The following GTF2I variants were observed in gnomAD, a reference collection of about 807,000 sequenced individuals.
GTF2I encodes general transcription factor IIi, also known as general transcription factor II-I.
A neutral mutation model predicts 67.6 loss-of-function variants in GTF2I; 12 were observed. The ratio of observed to expected loss-of-function variants is 0.18; its 90% CI spans 0.11 to 0.29. GTF2I has a LOEUF of 0.29. GTF2I is among the 10% of genes least tolerant of loss of function. The probability of loss-of-function intolerance (pLI) is 1.00; values close to 1 mark genes in which losing one functional copy is unlikely to be tolerated. For synonymous variants in GTF2I, 149 were observed against 197.0 expected (o/e 0.76, Z 2.04); for missense variants, 271 against 580.1 (o/e 0.47, Z 5.47).
chr7:74,663,583 G>A (rs1376442941), intron 1 of GTF2I, among the ~76,000 whole-genome samples: 2 of 152,284 alleles, frequency 1.3e-5, no homozygotes, highest in South Asian at 4.1e-4. Context: ...GAGCCACTGC[G>A]CCTGGTTCGT....
chr7:74,664,977 T>C (rs944553967), intron 1 of GTF2I, among the ~76,000 whole-genome samples: 6 of 151,936 alleles, frequency 3.9e-5, no homozygotes, highest in Non-Finnish European at 7.4e-5. Flanking sequence ...GTTTTGCTCT[T>C]GTTGCCCAGG....
chr7:74,662,075 C>G (rs1194335353), intron 1 of GTF2I, among the ~76,000 whole-genome samples: 1 of 151,838 alleles, frequency 6.6e-6, no homozygotes, highest in Non-Finnish European at 1.5e-5. Context: ...GCCACATGCC[C>G]CTCCAGCGAT....
intron 1 of GTF2I, among the ~76,000 whole-genome samples, chr7:74,664,901 G>A (rs945276142): frequency 7.2e-5 from 11 of 152,030 alleles, no homozygotes; most frequent in African/African-American, 2.4e-4. Flanking sequence ...CTGCCTGTGC[G>A]ACCTTGGGCA....
At chr7:74,747,808 AAAGAAG>A (rs1795523930) in intron 23 of GTF2I, among the ~76,000 whole-genome samples, 1 of 132,874 alleles carries the variant, frequency 7.5e-6, no homozygotes, top group African/African-American at 2.6e-5. Flanking sequence ...AAAAAAAAAA[AAAGAAG>A]AAGAAGAAGA....
intron 1 of GTF2I, among the ~76,000 whole-genome samples, chr7:74,688,658 T>G (rs1475342164): frequency 5.3e-5 from 8 of 152,176 alleles, no homozygotes; most frequent in African/African-American, 1.9e-4. Context: ...TACATGTTAC[T>G]TGATGCCTGT....
At chr7:74,727,802 T>C (rs1465804468) in intron 12 of GTF2I, 7 of 152,204 alleles carry the variant, frequency 4.6e-5, no homozygotes, top group African/African-American at 1.7e-4. Flanking sequence ...TGAGGTGTAC[T>C]GAAGGGTCAC....
intron 8 of GTF2I, among the ~76,000 whole-genome samples, chr7:74,708,043 T>G (rs1357344487): frequency 2.6e-5 from 4 of 152,270 alleles, no homozygotes; most frequent in Non-Finnish European, 4.4e-5. Context: ...CTCACACCTG[T>G]AATCCCAGCA....
At chr7:74,716,786 G>T (rs1792319064) in intron 10 of GTF2I, 108 bp from the exon 11 acceptor site, 3 of 676,772 alleles carry the variant, frequency 4.4e-6, no homozygotes, top group Middle Eastern at 4.1e-4. Flanking sequence ...CAATCATTTT[G>T]CATATGTTTA....
At chr7:74,717,231 C>T (rs1232848624) in intron 11 of GTF2I, among the ~76,000 whole-genome samples, 1 of 151,660 alleles carries the variant, frequency 6.6e-6, no homozygotes, top group Non-Finnish European at 1.5e-5. Context: ...TTTTCTTGTG[C>T]CATATTAAAT....
chr7:74,667,101 C>T (rs1458895257), intron 1 of GTF2I, among the ~76,000 whole-genome samples: 4 of 152,098 alleles, frequency 2.6e-5, no homozygotes, highest in South Asian at 2.1e-4. Context: ...GCCAAGATCA[C>T]GCCATTCCAC....
At chr7:74,680,114 A>G (rs868920301) in intron 1 of GTF2I, among the ~76,000 whole-genome samples, 1 of 121,474 alleles carries the variant, frequency 8.2e-6, no homozygotes, top group African/African-American at 3.3e-5. Context: ...ATATATATAT[A>G]TATGTATGTA....
intron 12 of GTF2I, chr7:74,727,159 G>C (rs1034092820): frequency 1.3e-5 from 2 of 152,094 alleles, no homozygotes; most frequent in Admixed American, 1.3e-4. Flanking sequence ...TCTGATGTTG[G>C]TGACCTCGGA....
intron 1 of GTF2I, among the ~76,000 whole-genome samples, chr7:74,679,148 G>C (rs1786979905): frequency 6.6e-6 from 1 of 151,190 alleles, no homozygotes; most frequent in Non-Finnish European, 1.5e-5. Context: ...GCGTGAACTT[G>C]GATCACTGCA....
At chr7:74,713,303 CTA>C (rs1488246229) in intron 9 of GTF2I, among the ~76,000 whole-genome samples, 1 of 152,124 alleles carries the variant, frequency 6.6e-6, no homozygotes, top group Non-Finnish European at 1.5e-5. Flanking sequence ...ATGTGCCTAA[CTA>C]TGTATCCTCA....
At position 74,706,432 on chromosome 7, in the gene GTF2I, T is replaced by C; in HGVS notation, c.684T>C (p.Ser228=). Residue 228 remains serine, a splice_region_variant and synonymous_variant, in exon 8 of 35, where the codon TCT becomes TCC. Coordinates refer to ENST00000573035, the MANE Select transcript of GTF2I (RefSeq NM_032999.4). The part of the protein sequence containing the change: ...IKVKTEPTED[S]GISLEMAAVT... ...TGAAAACTGAACCCACAGAAGATTC[T>C]GGTATGTACTAGCACTTTTAGAATC... The C allele has an allele frequency of 6.2e-7, 1 of 1,605,026 alleles. No homozygotes were observed. The highest frequency in any genetic ancestry group is 8.5e-7 in the Non-Finnish European group (1 of 1,171,712).
intron 1 of GTF2I, among the ~76,000 whole-genome samples, chr7:74,658,514 G>GGCGCGC (rs1367949476): frequency 1.3e-5 from 2 of 149,446 alleles, no homozygotes; most frequent in South Asian, 2.1e-4. Context: ...GCGGTGCGGG[G>GGCGCGC]GCGCGCGCGG....
intron 3 of GTF2I, among the ~76,000 whole-genome samples, chr7:74,695,200 A>C (rs1041114189): frequency 4.6e-5 from 7 of 152,116 alleles, no homozygotes; most frequent in African/African-American, 1.7e-4. Context: ...GCGCGATCTC[A>C]GCTCACTGCA....
At chr7:74,670,218 A>G (rs1024799472) in intron 1 of GTF2I, among the ~76,000 whole-genome samples, 54 of 152,182 alleles carry the variant, frequency 3.5e-4, no homozygotes, top group African/African-American at 1.3e-3. Flanking sequence ...TCTGATAACA[A>G]CTTTGTAAGG....
At chr7:74,675,920 G>C (rs1271769956) in intron 1 of GTF2I, among the ~76,000 whole-genome samples, 1 of 152,158 alleles carries the variant, frequency 6.6e-6, no homozygotes, top group Admixed American at 6.6e-5. Flanking sequence ...TGAGGCAGGA[G>C]AATCGCTTGA....
Sources: allele counts gnomAD v4.1 joint callset (sites outside exome capture counted in the v4.1 genomes callset), GRCh38; gene constraint gnomAD v4.1.1; transcripts MANE v1.5; gene names NCBI Gene and HGNC (gene_info 2026-07-23, HGNC 2026-07-21).